Variants in MIS18BP1 observed in about 807,000 individuals in gnomAD.
MIS18BP1 encodes mis18-binding protein 1.
In MIS18BP1, 72 loss-of-function variants were observed where a neutral mutation model predicts 116.1. That is an observed-to-expected ratio of 0.62 (90% CI 0.51 to 0.75). The LOEUF (loss-of-function observed/expected upper bound fraction) is 0.75. Ranked by LOEUF, MIS18BP1 falls within the 30% of genes least tolerant of loss-of-function variation. The pLI is 0.00. For synonymous variants in MIS18BP1, 386 were observed against 427.0 expected (o/e 0.90, Z 1.18); for missense variants, 1,363 against 1,303.2 (o/e 1.05, Z -0.71).
chr14:45,220,215 C>T (rs1045599585), intron 11 of MIS18BP1, among the ~76,000 whole-genome samples: 1 of 152,088 alleles, frequency 6.6e-6, no homozygotes, highest in African/African-American at 2.4e-5. Flanking sequence ...CCCCTGACTC[C>T]GCCTCCTTAG....
At chr14:45,225,740 TAATGAG>T (rs908140006) in intron 10 of MIS18BP1, among the ~76,000 whole-genome samples, 11 of 152,160 alleles carry the variant, frequency 7.2e-5, no homozygotes, top group Middle Eastern at 3.2e-3. Flanking sequence ...AAAACCTAAG[TAATGAG>T]AAGTCAAACT....
At position 45,218,470 on chromosome 14, in the gene MIS18BP1, A is replaced by T; in HGVS notation, c.2670-16T>A. Reference sequence around the variant, plus strand: ...TGCAAAAGCACTATGGAAGATCAAAACCAATTAAAGAATAAGAAATTCAAA... The same window carrying T: ...TGCAAAAGCACTATGGAAGATCAAATCCAATTAAAGAATAAGAAATTCAAA... On this transcript the variant is annotated splice_polypyrimidine_tract_variant and intron_variant, in intron 11 of 16. Transcript: ENST00000310806. 6.3e-7 allele frequency: 1 copy of T among 1,579,818 alleles called. No homozygotes were observed. The highest frequency in any genetic ancestry group is 8.5e-7 in the Non-Finnish European group (1 of 1,169,906).
intron 15 of MIS18BP1, among the ~76,000 whole-genome samples, chr14:45,205,664 A>G (rs1890494830): frequency 6.6e-6 from 1 of 152,228 alleles, no homozygotes; most frequent in South Asian, 2.1e-4. Flanking sequence ...TAAATCTGAA[A>G]AACACCTGAA....
At chr14:45,235,750 T>C in intron 6 of MIS18BP1, 64 bp downstream of exon 6, 3 of 1,412,602 alleles carry the variant, frequency 2.1e-6, no homozygotes, top group East Asian at 2.4e-5. Context: ...TGTGTATTAC[T>C]GTGAGAAACA....
chr14:45,218,214 T>A, intron 12 of MIS18BP1, 68 bp downstream of exon 12: 1 of 1,435,126 alleles, frequency 7.0e-7, no homozygotes. Flanking sequence ...ATATAAAATA[T>A]ATCTGATTTC....
intron 8 of MIS18BP1, among the ~76,000 whole-genome samples, chr14:45,230,034 C>T (rs8008662): frequency 0.017 from 2,529 of 152,118 alleles, 82 homozygotes; most frequent in African/African-American, 0.058. Flanking sequence ...AGTTCAAATG[C>T]GGGTTGGGGA....
At chr14:45,250,278 T>G (rs1891833337) in intron 1 of MIS18BP1, 1 of 152,152 alleles carries the variant, frequency 6.6e-6, no homozygotes, top group South Asian at 2.1e-4. Flanking sequence ...CAACTCAATA[T>G]AAGCCAAGAA....
At position 45,226,808 on chromosome 14, in the gene MIS18BP1, A is replaced by G; in HGVS notation, c.1775T>C (p.Met592Thr). The G allele has an allele frequency of 7.1e-7, 1 of 1,405,024 alleles. No individual in the cohort carries two copies. The highest frequency in any genetic ancestry group is 9.5e-7 in the Non-Finnish European group (1 of 1,057,162). The allele number at this position is 1,405,024 out of a possible 1,614,324, so 87.0% of individuals were successfully genotyped here. Residue 592 changes from methionine (M) to threonine (T), a missense_variant, in exon 10 of 17, where the codon ATG becomes ACG. Met to Thr is a moderately conservative substitution (Grantham distance 81). Coordinates refer to ENST00000310806, the MANE Select transcript of MIS18BP1 (RefSeq NM_018353.5). ...ACCAATTTTTAGTTTCTTTGAAGAC[A>G]TTTTATATTCTTTTTTTCCAATTAA... is the stretch of plus-strand genomic sequence containing the variant. ...QELIGKKEYK[M>T]SSKKLKIGER...
chr14:45,209,654 G>A (rs541138388), intron 14 of MIS18BP1, among the ~76,000 whole-genome samples: 1 of 152,262 alleles, frequency 6.6e-6, no homozygotes, highest in African/African-American at 2.4e-5. Flanking sequence ...ATGGACCAGA[G>A]TTCATTTAAT....
At chr14:45,226,946 T>TC in intron 9 of MIS18BP1, 110 bp from the exon 10 acceptor site, 1 of 928,680 alleles carries the variant, frequency 1.1e-6, no homozygotes, top group Non-Finnish European at 1.4e-6. Context: ...TACTTACAGT[T>TC]CCGCAAATTT....
At chr14:45,223,112 C>T (rs73350255) in intron 11 of MIS18BP1, among the ~76,000 whole-genome samples, 31,279 of 151,898 alleles carry the variant, frequency 0.21, 4,875 homozygotes, top group African/African-American at 0.44. Flanking sequence ...CAAACCAAAC[C>T]AAACACTGGG....
At chr14:45,252,124 GA>G (rs1468405384) in intron 1 of MIS18BP1, among the ~76,000 whole-genome samples, 1 of 152,118 alleles carries the variant, frequency 6.6e-6, no homozygotes, top group Non-Finnish European at 1.5e-5. Context: ...CAATAAGTGA[GA>G]AAGAGGAACC....
At position 45,231,163 on chromosome 14, in the gene MIS18BP1, G is replaced by A. The variant is rs145088123; in HGVS notation, c.1572C>T (p.Tyr524=). ...TDTAQRATTT[Y]DFDCDNLELK... is the part of the protein sequence containing the mutation. Reference sequence around the variant, plus strand: ...TACCCAAATTATCACAATCAAAATCGTAAGTGGTGGTGGCTCTTTGAGCAG... The same window carrying A: ...TACCCAAATTATCACAATCAAAATCATAAGTGGTGGTGGCTCTTTGAGCAG... Residue 524 remains tyrosine (Y), a synonymous_variant, in exon 8 of 17, where the codon TAC becomes TAT. Transcript: ENST00000310806. The A allele has an allele frequency of 1.1e-4, 173 of 1,610,726 alleles. 1 individual carries two copies. In the African/African-American group the frequency reaches 1.7e-3, roughly 16 times the overall value.
intron 7 of MIS18BP1, 112 bp downstream of exon 7, chr14:45,232,621 C>A: frequency 1.5e-6 from 1 of 664,278 alleles, no homozygotes; most frequent in Non-Finnish European, 2.7e-6. Flanking sequence ...ATGACGAAAC[C>A]CCATCTCTAT....
intron 4 of MIS18BP1, among the ~76,000 whole-genome samples, chr14:45,238,115 G>GTTT (rs35409821): frequency 7.2e-6 from 1 of 138,328 alleles, no homozygotes. Flanking sequence ...AAAATTAAGA[G>GTTT]TTTTTTTTTT....
intron 2 of MIS18BP1, among the ~76,000 whole-genome samples, chr14:45,243,971 T>C (rs1268576): frequency 0.18 from 27,073 of 152,128 alleles, 3,158 homozygotes; most frequent in African/African-American, 0.33. Context: ...CTTTAATATG[T>C]ATTATTTCAT....
chr14:45,238,977 T>C (rs560738106), intron 4 of MIS18BP1, among the ~76,000 whole-genome samples: 2 of 152,230 alleles, frequency 1.3e-5, no homozygotes, highest in East Asian at 3.9e-4. Flanking sequence ...AGTAAAAAAT[T>C]ATAGGTAGGA....
intron 3 of MIS18BP1, 100 bp downstream of exon 3, chr14:45,242,661 C>T (rs1891614492): frequency 7.6e-6 from 11 of 1,453,458 alleles, no homozygotes; most frequent in Non-Finnish European, 1.0e-5. Flanking sequence ...AAGCTTTTGT[C>T]CACAGCTAAA....
chr14:45,247,216 A>G lies in MIS18BP1; in HGVS notation c.71T>C (p.Leu24Pro). The stretch of plus-strand genomic sequence containing the variant: ...GTCAAAAAAGATTGCATCCATGGGT[A>G]GATTTCTCCTTTGAGAAGATGCCTC... The part of the protein sequence containing the change: ...PPEASSQRRN[L>P]PMDAIFFDSI... The change falls in exon 2 of 17, where the codon CTA becomes CCA. Residue 24 changes from leucine (L) to proline (P), a missense_variant. Physicochemically the swap from Leu to Pro is moderately conservative, Grantham distance 98. Transcript: ENST00000310806. 3 of 1,611,880 alleles carry G rather than the reference A, an allele frequency of 1.9e-6. No individual in the cohort carries two copies. Among genetic ancestry groups the G allele is most frequent in the South Asian group, 1.1e-5 (1 of 90,702 alleles).
Sources: allele counts gnomAD v4.1 joint callset (sites outside exome capture counted in the v4.1 genomes callset), GRCh38; gene constraint gnomAD v4.1.1; transcripts MANE v1.5; gene names NCBI Gene and HGNC (gene_info 2026-07-23, HGNC 2026-07-21).